Variants in TARBP1 observed in about 807,000 individuals in gnomAD.
TARBP1 encodes tRNA guanosine 2 -O-methyltransferase TARBP1.
Under a neutral mutation model 178.6 loss-of-function variants are expected in TARBP1, and 144 were observed. The observed-to-expected ratio is 0.81, with a 90% confidence interval of 0.70 to 0.93. The LOEUF is 0.93. Among genes scored for constraint, TARBP1 ranks in the 40% least tolerant of loss-of-function variants. The probability of loss-of-function intolerance (pLI) is 0.00; values close to 1 mark genes in which losing one functional copy is unlikely to be tolerated. For synonymous variants in TARBP1, 787 were observed against 781.0 expected, an observed-to-expected ratio of 1.01 and a Z score of -0.13; for missense variants, 2,067 against 2,011.7, an observed-to-expected ratio of 1.03 and a Z score of -0.53.
Position 234,478,174 on chromosome 1 carries a change from G to T in TARBP1, c.930C>A (p.Asn310Lys), listed in dbSNP as rs139752194. 106 of 1,611,330 alleles carry T rather than the reference G, an allele frequency of 6.6e-5. No homozygotes were observed. The Middle Eastern group carries it at 1.3e-3, about 20-fold the overall frequency. ...GCTGGGGGGCAAAGAGGCAGGTACC[G>T]TTTCCTTCCTGGGGCCCGCAGGTGC... ...ADCTCGPQEG[N>K]GPSLFWWSER... The change falls in exon 1 of 30, where the codon AAC becomes AAA. Residue 310 changes from asparagine to lysine, a missense_variant and splice_region_variant. Coordinates refer to ENST00000040877, the MANE Select transcript of TARBP1 (RefSeq NM_005646.4).
rs768525852 is a variant in TARBP1 at position 234,463,946 on chromosome 1, G to A, written c.1302-12C>T. ...GCTGGCCTGGGGACCTACAAACAGA[G>A]AGTGGGGAAAACAAATATTTAACAT... On this transcript the variant is annotated splice_polypyrimidine_tract_variant and intron_variant, in intron 5 of 29. Transcript: ENST00000040877. 2.0e-6 allele frequency: 3 copies of A among 1,526,506 alleles called. No individual in the cohort carries two copies. The highest frequency in any genetic ancestry group is 2.8e-5 in the African/African-American group (2 of 71,446). 94.6% of individuals were successfully genotyped at this position (1,526,506 alleles called of 1,614,324 possible).
intron 1 of TARBP1, among the ~76,000 whole-genome samples, chr1:234,473,058 T>G (rs983061725): frequency 2.0e-5 from 3 of 151,926 alleles, no homozygotes; most frequent in Non-Finnish European, 2.9e-5. Flanking sequence ...CTACTTTCTC[T>G]CCCTAAGAAT....
rs1660515251 is a variant in TARBP1, at chr1:234,399,942, C to T, written c.4071+1239G>A. 2.0e-5 allele frequency among the ~76,000 whole-genome samples: 3 copies of T among 150,854 alleles called. No individual in the cohort carries two copies. The South Asian group carries it at 6.3e-4, about 32-fold the overall frequency. ...AGGAGATATACCTAATGCTAGATGACGAGTTGGTGGGTGCAGCACACGACC... is the reference window on the plus strand; with the variant it reads ...AGGAGATATACCTAATGCTAGATGATGAGTTGGTGGGTGCAGCACACGACC... On this transcript the variant is annotated intron_variant, in intron 25 of 29. Transcript: ENST00000040877.
At chr1:234,403,418 T>C (rs1017672405) in intron 24 of TARBP1, among the ~76,000 whole-genome samples, 64 of 152,356 alleles carry the variant, frequency 4.2e-4, no homozygotes, top group African/African-American at 1.5e-3. Flanking sequence ...GAACAGTCTG[T>C]ATTTCCTCAT....
rs775215571 is a variant in TARBP1 at position 234,478,224 on chromosome 1, C to A, written c.880G>T (p.Val294Leu). 1 of 1,611,804 alleles carries A rather than the reference C, an allele frequency of 6.2e-7. No homozygotes were observed. Among genetic ancestry groups the A allele is most frequent in the South Asian group, 1.1e-5 (1 of 90,922 alleles). The change falls in exon 1 of 30, where the codon GTG becomes TTG. Residue 294 changes from valine to leucine, a missense_variant. Coordinates refer to ENST00000040877, the MANE Select transcript of TARBP1 (RefSeq NM_005646.4). ...ARYLLQRAVE[V>L]SAELGADCTC... Reference sequence around the variant, plus strand: ...CAGTCGGCCCCCAGCTCCGCCGACACCTCCACCGCCCTCTGCAGCAGGTAG... The same window carrying A: ...CAGTCGGCCCCCAGCTCCGCCGACAACTCCACCGCCCTCTGCAGCAGGTAG...
Position 234,478,565 on chromosome 1 carries a change from T to TCATCCC in TARBP1, c.533_538dup (p.Gly178_Asp179dup). On this transcript the variant is annotated inframe_insertion, in exon 1 of 30. Coordinates refer to ENST00000040877, the MANE Select transcript of TARBP1 (RefSeq NM_005646.4). ...CGCCGCGTCCTCGGCAGGCCCGGCC[T>TCATCCC]CATCCCCGTCCCCGCCCCCGCCCAG... 1 of 1,297,692 alleles carries TCATCCC rather than the reference T, an allele frequency of 7.7e-7. No individual in the cohort carries two copies. The highest frequency in any genetic ancestry group is 1.6e-5 in the African/African-American group (1 of 63,794). 80.4% of individuals were successfully genotyped at this position (1,297,692 alleles called of 1,614,324 possible). A position where few individuals can be genotyped will look rare whatever the true frequency, so the allele number is the denominator to read the frequency against.
chr1:234,419,966 A>G (rs1662901676), intron 21 of TARBP1, among the ~76,000 whole-genome samples: 1 of 152,210 alleles, frequency 6.6e-6, no homozygotes, highest in Non-Finnish European at 1.5e-5. Context: ...TCTCTCACAC[A>G]TTTAAAAGAA....
At chr1:234,414,305 T>C (rs1294469891) in intron 22 of TARBP1, among the ~76,000 whole-genome samples, 1 of 152,188 alleles carries the variant, frequency 6.6e-6, no homozygotes, top group African/African-American at 2.4e-5. Context: ...GGGGAAGATG[T>C]GTGGCATACA....
chr1:234,417,802 A>G (rs541276700), intron 22 of TARBP1, among the ~76,000 whole-genome samples: 2 of 152,214 alleles, frequency 1.3e-5, no homozygotes, highest in Non-Finnish European at 2.9e-5. Context: ...TTGGTAAATA[A>G]GAATACGGAA....
At chr1:234,398,226 C>T in intron 26 of TARBP1, 156 bp downstream of exon 26, 2 of 500,364 alleles carry the variant, frequency 4.0e-6, no homozygotes, top group Non-Finnish European at 6.4e-6. Context: ...AAAGTTATAC[C>T]ACACTTTTTC....
intron 26 of TARBP1, among the ~76,000 whole-genome samples, chr1:234,397,838 AGGGGAGGG>A: frequency 6.7e-5 from 1 of 14,840 alleles, no homozygotes; most frequent in Non-Finnish European, 1.3e-4. Context: ...GGGAGGAGGG[AGGGGAGGG>A]GGAGGAGGGG....
At chr1:234,412,661 T>C (rs1425757830) in intron 22 of TARBP1, among the ~76,000 whole-genome samples, 1 of 151,638 alleles carries the variant, frequency 6.6e-6, no homozygotes, top group African/African-American at 2.4e-5. Flanking sequence ...CAAAAATAAA[T>C]AAAGAAGACA....
intron 20 of TARBP1, among the ~76,000 whole-genome samples, chr1:234,425,440 A>C (rs1663627205): frequency 6.6e-6 from 1 of 152,044 alleles, no homozygotes; most frequent in Non-Finnish European, 1.5e-5. Context: ...AGCTGGTCGC[A>C]AACTCCTGGC....
Position 234,430,081 on chromosome 1 carries a change from C to G in TARBP1, c.2609+6G>C. On this transcript the variant is annotated splice_donor_region_variant and intron_variant, in intron 15 of 29. Coordinates refer to ENST00000040877, the MANE Select transcript of TARBP1 (RefSeq NM_005646.4). Reference sequence around the variant, plus strand: ...ATGGATTTTTAAGCCTTAACCTTCCCTGTACCTGCTGCACTCCAAGGGGTG... The same window carrying G: ...ATGGATTTTTAAGCCTTAACCTTCCGTGTACCTGCTGCACTCCAAGGGGTG... The G allele has an allele frequency of 6.2e-7, 1 of 1,608,180 alleles. No individual in the cohort carries two copies. The highest frequency in any genetic ancestry group is 8.5e-7 in the Non-Finnish European group (1 of 1,175,256).
At chr1:234,413,674 CTG>C (rs1461710495) in intron 22 of TARBP1, among the ~76,000 whole-genome samples, 1 of 152,146 alleles carries the variant, frequency 6.6e-6, no homozygotes, top group African/African-American at 2.4e-5. Flanking sequence ...ACGTAAGACA[CTG>C]TGTTCAGCAG....
rs1411459385 is a variant in TARBP1, at chr1:234,460,261, C to T, written c.1535G>A (p.Arg512Lys). ...ALGIDGLLALRDVIHCTMITH... is the reference protein window; with the variant it reads ...ALGIDGLLALKDVIHCTMITH... ...CAAGTACATATACAGAGTAAATTAC[C>T]TGAGAGCAAGAAGCCCATCTATACC... is the stretch of plus-strand genomic sequence containing the variant. The change falls in exon 7 of 30, where the codon AGG (arginine) becomes AAG (lysine). Residue 512 changes from arginine to lysine, a missense_variant and splice_region_variant. Arg to Lys is a conservative substitution (Grantham distance 26). Transcript: ENST00000040877. 1.2e-6 allele frequency: 2 copies of T among 1,612,342 alleles called. No individual in the cohort carries two copies. The highest frequency in any genetic ancestry group is 1.7e-6 in the Non-Finnish European group (2 of 1,179,552).
rs765309916 is a variant in TARBP1, at chr1:234,392,518, T to C, written c.4595A>G (p.Gln1532Arg). The C allele has an allele frequency of 6.2e-7, 1 of 1,614,148 alleles. No individual in the cohort carries two copies. Among genetic ancestry groups the C allele is most frequent in the East Asian group, 2.2e-5 (1 of 44,884 alleles). Residue 1532 changes from glutamine (Q) to arginine (R), a missense_variant, in exon 29 of 30, where the codon CAG (glutamine) becomes CGG (arginine). Physicochemically the swap from Gln to Arg is conservative, Grantham distance 43 (BLOSUM62 1). Coordinates refer to ENST00000040877, the MANE Select transcript of TARBP1 (RefSeq NM_005646.4). The stretch of plus-strand genomic sequence containing the variant: ...GATGGTATAACCTTCTGTTTTCTTC[T>C]GCTGCAGATAATCAATTAGCTGAGG... ...KPPQLIDYLQ[Q>R]KKTEGYTIIG...
chr1:234,395,432 G>A (rs987316191), intron 26 of TARBP1, among the ~76,000 whole-genome samples: 1 of 152,210 alleles, frequency 6.6e-6, no homozygotes, highest in Non-Finnish European at 1.5e-5. Context: ...TAAAGAAGAG[G>A]AGGAGGAGGC....
In TARBP1 at chr1:234,467,565, A is replaced by C. The variant is rs762271561; in HGVS notation, c.1185T>G (p.Gly395=). Residue 395 remains glycine (G), a synonymous_variant, in exon 4 of 30, where the codon GGT becomes GGG. Transcript: ENST00000040877. ...ESENKILSKE[G]VIHFLELYET... ...CATACAGCTCCAAAAAATGGATAAC[A>C]CCTTCTTTGGACAGGATTTTGTTTT... is the stretch of plus-strand genomic sequence containing the variant. 1.9e-6 allele frequency: 3 copies of C among 1,607,680 alleles called. No individual in the cohort carries two copies. Among genetic ancestry groups the C allele is most frequent in the Admixed American group, 3.4e-5 (2 of 58,282 alleles).
Sources: gnomAD v4.1 joint callset for allele counts (sites outside exome capture counted in the v4.1 genomes callset) on GRCh38, gnomAD v4.1.1 for gene constraint, MANE v1.5 for transcripts, NCBI Gene and HGNC (gene_info 2026-07-23, HGNC 2026-07-21) for gene names.